Variants in RAPH1 observed in about 807,000 individuals in gnomAD.
RAPH1 encodes ras-associated and pleckstrin homology domains-containing protein 1.
A neutral mutation model predicts 88.1 loss-of-function variants in RAPH1; 18 were observed. The observed-to-expected ratio is 0.20, with a 90% CI of 0.14 to 0.30. The LOEUF (loss-of-function observed/expected upper bound fraction) is 0.30. Ranked by LOEUF, RAPH1 falls within the 10% of genes least tolerant of loss-of-function variation. The pLI is 1.00. For missense variants in RAPH1, 1,448 were observed against 1,543.2 expected (o/e 0.94, Z 1.03); for synonymous variants, 587 against 559.0 (o/e 1.05, Z -0.71).
In RAPH1 at chr2:203,439,388, T is replaced by C; in HGVS notation, c.*49A>G. ...TGAATTCACAGATGATCAGGTGAGC[T>C]GATTGTAGCAGTGATTACAGATATC... On this transcript the variant is annotated 3_prime_UTR_variant, in exon 14 of 14. Coordinates refer to ENST00000319170, the MANE Select transcript of RAPH1 (RefSeq NM_213589.3). 1 of 1,553,372 alleles carries C rather than the reference T, an allele frequency of 6.4e-7. No individual in the cohort carries two copies. Among genetic ancestry groups the C allele is most frequent in the Non-Finnish European group, 8.8e-7 (1 of 1,135,176 alleles).
Position 203,454,630 on chromosome 2 carries a change from A to G in RAPH1, c.1303-90T>C, listed in dbSNP as rs185656234. The G allele has an allele frequency of 5.5e-4, 484 of 880,914 alleles. 1 individual carries two copies. The highest frequency in any genetic ancestry group is 1.0e-3 in the Admixed American group (44 of 42,856). The allele number at this position is 880,914 out of a possible 1,614,324, so 54.6% of individuals were successfully genotyped here. A position where few individuals can be genotyped will look rare whatever the true frequency, so the allele number is the denominator to read the frequency against. On this transcript the variant is annotated intron_variant, in intron 9 of 13. Transcript: ENST00000319170. The stretch of plus-strand genomic sequence containing the variant: ...TAACATTTTCTAGGTGAGAATCAAA[A>G]CTACTTTTGCTAATACTAAATAGAA...
At chr2:203,464,483 C>T (rs1581289471) in intron 4 of RAPH1, among the ~76,000 whole-genome samples, 1 of 152,350 alleles carries the variant, frequency 6.6e-6, no homozygotes, top group East Asian at 1.9e-4. Flanking sequence ...GTTGGCGAGA[C>T]TGGTTTCAAA....
At chr2:203,524,844 GTTT>G (rs1690043178) in intron 1 of RAPH1, among the ~76,000 whole-genome samples, 1 of 152,118 alleles carries the variant, frequency 6.6e-6, no homozygotes, top group African/African-American at 2.4e-5. Context: ...AATATGTGCA[GTTT>G]ATTATATAGA....
At chr2:203,467,982 C>T (rs979622318) in intron 4 of RAPH1, among the ~76,000 whole-genome samples, 3 of 151,942 alleles carry the variant, frequency 2.0e-5, no homozygotes, top group African/African-American at 7.3e-5. Context: ...GTTAGGCAGG[C>T]TGGTCTTGAA....
At chr2:203,506,211 T>C (rs1277413147) in intron 1 of RAPH1, among the ~76,000 whole-genome samples, 1 of 152,098 alleles carries the variant, frequency 6.6e-6, no homozygotes, top group South Asian at 2.1e-4. Flanking sequence ...ATTATCAGTA[T>C]AAATAAACTC....
chr2:203,482,274 C>T (rs553069200), intron 4 of RAPH1, among the ~76,000 whole-genome samples: 3 of 152,250 alleles, frequency 2.0e-5, no homozygotes, highest in African/African-American at 4.8e-5. Context: ...CAACCTCTGC[C>T]GCCCAGGTTC....
intron 1 of RAPH1, among the ~76,000 whole-genome samples, chr2:203,505,585 T>C (rs989516127): frequency 2.6e-5 from 4 of 152,042 alleles, no homozygotes; most frequent in African/African-American, 9.7e-5. Context: ...ACCCCTAACA[T>C]CCCTATATAT....
At chr2:203,441,898 A>G (rs749079855) in intron 13 of RAPH1, 27 of 1,350,576 alleles carry the variant, frequency 2.0e-5, no homozygotes, top group Non-Finnish European at 2.5e-5. Context: ...TGGAATGAGG[A>G]TGGCTTTTTG....
intron 1 of RAPH1, among the ~76,000 whole-genome samples, chr2:203,531,752 A>T (rs1690399323): frequency 6.6e-6 from 1 of 152,258 alleles, no homozygotes; most frequent in Non-Finnish European, 1.5e-5. Context: ...AAGTGTTGGC[A>T]AGATACAGAG....
rs1374517468 is a variant in RAPH1, at chr2:203,514,777, A to G, written c.1-19424T>C. On this transcript the variant is annotated intron_variant, in intron 1 of 13. Coordinates refer to ENST00000319170, the MANE Select transcript of RAPH1 (RefSeq NM_213589.3). ...CACCGTGTTAGCCAGGATGGTCTCAATCTCCTGACCTCATGATCCACCCGC... is the reference window on the plus strand; with the variant it reads ...CACCGTGTTAGCCAGGATGGTCTCAGTCTCCTGACCTCATGATCCACCCGC... 2.0e-5 allele frequency among the ~76,000 whole-genome samples: 3 copies of G among 151,930 alleles called. No homozygotes were observed. In the East Asian group the frequency reaches 5.8e-4, roughly 29 times the overall value.
chr2:203,478,934 C>T (rs535400958), intron 4 of RAPH1, among the ~76,000 whole-genome samples: 30 of 152,326 alleles, frequency 2.0e-4, no homozygotes, highest in African/African-American at 7.2e-4. Flanking sequence ...TTGTTTTTCC[C>T]TGTGTATTTT....
intron 1 of RAPH1, among the ~76,000 whole-genome samples, chr2:203,497,147 G>C (rs747175097): frequency 2.0e-5 from 3 of 152,174 alleles, no homozygotes; most frequent in Non-Finnish European, 2.9e-5. Context: ...TGAAGCACTG[G>C]AGTACTTTGT....
intron 10 of RAPH1, among the ~76,000 whole-genome samples, chr2:203,451,311 T>C (rs1025184387): frequency 7.2e-5 from 11 of 152,318 alleles, no homozygotes; most frequent in African/African-American, 1.2e-4. Flanking sequence ...TACATATTAT[T>C]ATCTCCATGT....
rs780561080 is a variant in RAPH1 at position 203,440,832 on chromosome 2, G to A, written c.2358C>T (p.Pro786=). The A allele has an allele frequency of 2.5e-5, 39 of 1,586,598 alleles. No homozygotes were observed. The highest frequency in any genetic ancestry group is 1.4e-4 in the East Asian group (6 of 44,430). Reference sequence around the variant, plus strand: ...CCACAGTCTTGGTGCTGGTTGGTGCGGGGATGGTCACAAGGGGTTTTGGGG... The same window carrying A: ...CCACAGTCTTGGTGCTGGTTGGTGCAGGGATGGTCACAAGGGGTTTTGGGG... ...QAPPKPLVTI[P]APTSTKTVAP... Residue 786 remains proline (P), a synonymous_variant, in exon 14 of 14, where the codon CCC becomes CCT. Coordinates refer to ENST00000319170, the MANE Select transcript of RAPH1 (RefSeq NM_213589.3).
chr2:203,508,675 A>C (rs972054736), intron 1 of RAPH1, among the ~76,000 whole-genome samples: 1 of 152,202 alleles, frequency 6.6e-6, no homozygotes, highest in Non-Finnish European at 1.5e-5. Context: ...TGTCAACAGT[A>C]TATCAAAATA....
intron 4 of RAPH1, among the ~76,000 whole-genome samples, chr2:203,484,148 A>G (rs1469607597): frequency 6.6e-6 from 1 of 152,182 alleles, no homozygotes; most frequent in Non-Finnish European, 1.5e-5. Context: ...GAGATGGAAT[A>G]TATGCACCTG....
In RAPH1 at chr2:203,506,834, AT is replaced by A. The variant is rs1480227140; in HGVS notation, c.1-11482del. 6.4e-4 allele frequency among the ~76,000 whole-genome samples: 41 copies of A among 63,598 alleles called. 6 individuals are homozygous for A. Among genetic ancestry groups the A allele is most frequent in the African/African-American group, 2.8e-3 (40 of 14,454 alleles). The allele number at this position is 63,598 out of a possible 152,430, so 41.7% of individuals were successfully genotyped here. On this transcript the variant is annotated intron_variant, in intron 1 of 13. Coordinates refer to ENST00000319170, the MANE Select transcript of RAPH1 (RefSeq NM_213589.3). The stretch of plus-strand genomic sequence containing the variant: ...TATCTATATATCTATATATATATCT[AT>A]ATCTATATATCTATCTATATCTATA...
At chr2:203,446,263 T>C (rs1386100897) in intron 12 of RAPH1, 1 of 152,236 alleles carries the variant, frequency 6.6e-6, no homozygotes, top group Non-Finnish European at 1.5e-5. Context: ...GTTTGTCTGA[T>C]GCTTTTTCTC....
At position 203,448,720 on chromosome 2, in the gene RAPH1, A is replaced by C; in HGVS notation, c.1512+18T>G. 1 of 1,525,690 alleles carries C rather than the reference A, an allele frequency of 6.6e-7. No individual in the cohort carries two copies. The allele number at this position is 1,525,690 out of a possible 1,614,324, so 94.5% of individuals were successfully genotyped here. A position where few individuals can be genotyped will look rare whatever the true frequency, so the allele number is the denominator to read the frequency against. On this transcript the variant is annotated intron_variant, in intron 11 of 13. Coordinates refer to ENST00000319170, the MANE Select transcript of RAPH1 (RefSeq NM_213589.3). The surrounding 1 kb of genome is among the most constrained non-coding windows in gnomAD (Gnocchi z 4.1). ...CAAACACCTCATTATTCCATCATCA[A>C]ATCAAAAGGAGACATGCCTTTGCAA... is the stretch of plus-strand genomic sequence containing the variant.
Sources: allele counts gnomAD v4.1 joint callset (sites outside exome capture counted in the v4.1 genomes callset), GRCh38; gene constraint gnomAD v4.1.1; non-coding constraint Gnocchi (gnomAD v3.1); transcripts MANE v1.5; gene names NCBI Gene and HGNC (gene_info 2026-07-23, HGNC 2026-07-21).